The following RND3 variants were observed in gnomAD, a reference collection of about 807,000 sequenced individuals.
RND3 encodes Rho family GTPase 3, also known as rho-related GTP-binding protein RhoE.
Under a neutral mutation model 26.5 loss-of-function variants are expected in RND3, and 8 were observed. The observed-to-expected ratio is 0.30, with a 90% CI of 0.18 to 0.54. The LOEUF (loss-of-function observed/expected upper bound fraction) is 0.54. Ranked by LOEUF, RND3 falls within the 20% of genes least tolerant of loss-of-function variation. The pLI is 0.94. For missense variants in RND3, 207 were observed against 302.8 expected (o/e 0.68, Z 2.35); for synonymous variants, 113 against 113.0 (o/e 1.00, Z 0.00).
chr2:150,476,190 T>C (rs1222964937), intron 3 of RND3, among the ~76,000 whole-genome samples: 3 of 152,194 alleles, frequency 2.0e-5, no homozygotes, highest in Non-Finnish European at 4.4e-5. Flanking sequence ...TTGACATCAC[T>C]TTCCATTTTG....
intron 3 of RND3, among the ~76,000 whole-genome samples, chr2:150,484,611 T>C (rs1686327794): frequency 6.6e-6 from 1 of 152,136 alleles, no homozygotes; most frequent in South Asian, 2.1e-4. Context: ...CCAGATCCCC[T>C]AAGACTAAGA....
At chr2:150,471,271 A>T (rs1686084956) in intron 5 of RND3, among the ~76,000 whole-genome samples, 1 of 152,222 alleles carries the variant, frequency 6.6e-6, no homozygotes, top group Admixed American at 6.5e-5. Flanking sequence ...TCTCTGAAAG[A>T]TGGTGTTATG....
At position 150,470,217 on chromosome 2, in the gene RND3, T is replaced by A; in HGVS notation, c.505A>T (p.Ile169Phe). The A allele has an allele frequency of 6.2e-7, 1 of 1,613,786 alleles. No individual in the cohort carries two copies. The highest frequency in any genetic ancestry group is 1.1e-5 in the South Asian group (1 of 91,080). The part of the protein sequence containing the change: ...YDQGANMAKQ[I>F]GAATYIECSA... ...CATTCGATATAAGTAGCTGCTCCAA[T>A]CTGTTTGGCCATATTTGCCCCCTGA... The change falls in exon 6 of 6, where the codon ATT (isoleucine) becomes TTT (phenylalanine). Residue 169 changes from isoleucine (I) to phenylalanine (F), a missense_variant. By Grantham distance (21) the Ile-to-Phe change is conservative (BLOSUM62 0). Transcript: ENST00000263895.
At chr2:150,487,187 G>T in intron 2 of RND3, 81 bp downstream of exon 2, 12 of 944,754 alleles carry the variant, frequency 1.3e-5, no homozygotes, top group Non-Finnish European at 1.8e-5. Context: ...AGGGAAAACG[G>T]ATGAAAGCGG....
intron 4 of RND3, 108 bp from the exon 5 acceptor site, chr2:150,471,869 T>C: frequency 1.1e-6 from 1 of 934,290 alleles, no homozygotes; most frequent in Non-Finnish European, 1.6e-6. Context: ...AGAAAAGATG[T>C]TAAAAATGGA....
intron 5 of RND3, among the ~76,000 whole-genome samples, 161 bp from the exon 6 acceptor site, chr2:150,470,399 G>A (rs1686068155): frequency 6.6e-6 from 1 of 152,036 alleles, no homozygotes; most frequent in South Asian, 2.1e-4. Flanking sequence ...TTGTTAAAAT[G>A]TAAACTGCCT....
Position 150,487,262 on chromosome 2 carries a change from A to G in RND3, c.150+6T>C. ...CCTCGTGGAAGCCGCGGCCGGCCAC[A>G]CTCACCTCGGGGAAGCAGTCCTTGG... On this transcript the variant is annotated splice_donor_region_variant and intron_variant, in intron 2 of 5. Transcript: ENST00000263895. 5.1e-6 allele frequency: 8 copies of G among 1,573,172 alleles called. No individual in the cohort carries two copies. Among genetic ancestry groups the G allele is most frequent in the South Asian group, 1.2e-5 (1 of 84,496 alleles).
At chr2:150,477,904 A>C (rs1686193383) in intron 3 of RND3, among the ~76,000 whole-genome samples, 1 of 152,186 alleles carries the variant, frequency 6.6e-6, no homozygotes, top group South Asian at 2.1e-4. Flanking sequence ...ACTTTTGCTA[A>C]TGAACAGTGC....
At chr2:150,478,627 C>A (rs1000221682) in intron 3 of RND3, among the ~76,000 whole-genome samples, 3 of 143,848 alleles carry the variant, frequency 2.1e-5, no homozygotes, top group Non-Finnish European at 4.5e-5. Flanking sequence ...TTAAAAGATG[C>A]ACATGAAAAA....
Position 150,468,366 on chromosome 2 carries a change from A to G in RND3, c.*1621T>C, listed in dbSNP as rs1330421431. 1 of 152,680 alleles carries G rather than the reference A, an allele frequency of 6.5e-6. No homozygotes were observed. Among genetic ancestry groups the G allele is most frequent in the African/African-American group, 2.4e-5 (1 of 41,462 alleles). 9.5% of individuals were successfully genotyped at this position (152,680 alleles called of 1,614,324 possible). On this transcript the variant is annotated 3_prime_UTR_variant, in exon 6 of 6. Transcript: ENST00000263895. ...AACTTATTTTCTTTTTACAATATTT[A>G]AATACAGAAAGCACTCGCCAGCTAT...
At chr2:150,476,415 C>T (rs1382972810) in intron 3 of RND3, among the ~76,000 whole-genome samples, 1 of 152,246 alleles carries the variant, frequency 6.6e-6, no homozygotes, top group East Asian at 1.9e-4. Flanking sequence ...TCCCTGGCAT[C>T]TGCTATGGAA....
rs548741181 is a variant in RND3, at chr2:150,479,374, A to G, written c.239-4390T>C. ...GATTCATGCCCAAAAGGAAGGCTTT[A>G]TGGAACCTTTTGCAAAGTACCAGTT... On this transcript the variant is annotated intron_variant, in intron 3 of 5. Transcript: ENST00000263895. Among the ~76,000 whole-genome samples, 3 of 152,330 alleles carry G rather than the reference A, an allele frequency of 2.0e-5. No homozygotes were observed. In the South Asian group the frequency reaches 6.2e-4, roughly 32 times the overall value.
At chr2:150,471,417 T>A (rs1246021570) in intron 5 of RND3, among the ~76,000 whole-genome samples, 1 of 152,200 alleles carries the variant, frequency 6.6e-6, no homozygotes, top group Non-Finnish European at 1.5e-5. Flanking sequence ...TACTGGGAGG[T>A]GCAGAAATAT....
chr2:150,468,591 C>T lies in RND3; in HGVS notation c.*1396G>A, dbSNP rs931182139. 6 of 152,628 alleles carry T rather than the reference C, an allele frequency of 3.9e-5. No homozygotes were observed. Among genetic ancestry groups the T allele is most frequent in the African/African-American group, 1.4e-4 (6 of 41,456 alleles). 9.5% of individuals were successfully genotyped at this position (152,628 alleles called of 1,614,324 possible). A position where few individuals can be genotyped will look rare whatever the true frequency, so the allele number is the denominator to read the frequency against. On this transcript the variant is annotated 3_prime_UTR_variant, in exon 6 of 6. Coordinates refer to ENST00000263895, the MANE Select transcript of RND3 (RefSeq NM_005168.5). ...TAAGGGGAGCACAGCTTCAACACTTCAAAAACGAAGCACTATCATGGGAAA... is the reference window on the plus strand; with the variant it reads ...TAAGGGGAGCACAGCTTCAACACTTTAAAAACGAAGCACTATCATGGGAAA...
In RND3 at chr2:150,468,240, T is replaced by TA. The variant is rs1464792680; in HGVS notation, c.*1746dup. 6.7e-6 allele frequency: 1 copy of TA among 148,942 alleles called. No individual in the cohort carries two copies. The allele number at this position is 148,942 out of a possible 1,614,324, so 9.2% of individuals were successfully genotyped here. On this transcript the variant is annotated 3_prime_UTR_variant, in exon 6 of 6. Coordinates refer to ENST00000263895, the MANE Select transcript of RND3 (RefSeq NM_005168.5). ...CTTTTTTATTTGAAGAAAAAAAAAG[T>TA]ATGTTTTAATAAATACTGCGGAAAC...
chr2:150,474,370 T>C (rs1686132103), intron 4 of RND3, among the ~76,000 whole-genome samples: 1 of 152,218 alleles, frequency 6.6e-6, no homozygotes, highest in Non-Finnish European at 1.5e-5. Context: ...ACTAGACAGA[T>C]ACCTGATCAT....
At chr2:150,471,991 C>T in intron 4 of RND3, 1 of 448,498 alleles carries the variant, frequency 2.2e-6, no homozygotes, top group Admixed American at 3.8e-5. Flanking sequence ...TTGATTCTCC[C>T]TCTCTGTGAC....
In RND3 at chr2:150,487,454, C is replaced by T. The variant is rs548266491; in HGVS notation, c.-37G>A. On this transcript the variant is annotated splice_region_variant and 5_prime_UTR_variant, in exon 2 of 6. Transcript: ENST00000263895. ...TATTTTCTCTTGGAACAGGAATTTTCTCTTAAGAAGAAAAAAAAAAATATA... is the reference window on the plus strand; with the variant it reads ...TATTTTCTCTTGGAACAGGAATTTTTTCTTAAGAAGAAAAAAAAAAATATA... The T allele has an allele frequency of 5.2e-5, 55 of 1,065,070 alleles. No individual in the cohort carries two copies. Among genetic ancestry groups the T allele is most frequent in the Non-Finnish European group, 1.9e-5 (16 of 825,136 alleles). The allele number at this position is 1,065,070 out of a possible 1,614,324, so 66.0% of individuals were successfully genotyped here.
chr2:150,487,162 T>A, intron 2 of RND3, 106 bp downstream of exon 2: 1 of 533,242 alleles, frequency 1.9e-6, no homozygotes, highest in Non-Finnish European at 2.7e-6. Context: ...TTTTTTTTCT[T>A]TTTTTTTTTT....
Sources: allele counts gnomAD v4.1 joint callset (sites outside exome capture counted in the v4.1 genomes callset), GRCh38; gene constraint gnomAD v4.1.1; transcripts MANE v1.5; gene names NCBI Gene and HGNC (gene_info 2026-07-23, HGNC 2026-07-21).